Variants in FTO observed in about 807,000 individuals in gnomAD.
The protein encoded by FTO is alpha-ketoglutarate-dependent dioxygenase FTO.
In FTO, 47 loss-of-function variants were observed where a neutral mutation model predicts 63.9. The observed-to-expected ratio is 0.74, with a 90% CI of 0.58 to 0.94. The LOEUF (loss-of-function observed/expected upper bound fraction) is 0.94. Among genes scored for constraint, FTO ranks in the 40% least tolerant of loss-of-function variants. FTO has a pLI of 0.00. For synonymous variants in FTO, 207 were observed against 224.4 expected (o/e 0.92, Z 0.69); for missense variants, 562 against 618.1 (o/e 0.91, Z 0.96).
intron 3 of FTO, among the ~76,000 whole-genome samples, chr16:53,843,708 A>G (rs1308089488): frequency 6.6e-6 from 1 of 152,128 alleles, no homozygotes; most frequent in African/African-American, 2.4e-5. Flanking sequence ...TATTTATATT[A>G]TGTCCAATTT....
rs1971842278 is a variant in FTO, at chr16:53,704,361, G to A, written c.45+132G>A. 21 of 876,294 alleles carry A rather than the reference G, an allele frequency of 2.4e-5. No homozygotes were observed. The South Asian group carries it at 3.0e-4, about 12-fold the overall frequency. 54.3% of individuals were successfully genotyped at this position (876,294 alleles called of 1,614,324 possible). ...GGGATGACAGGGCCTTGTCAGCAAG[G>A]GACCTGGAGATATTAGAGGGGATGT... On this transcript the variant is annotated intron_variant, in intron 1 of 8. Transcript: ENST00000471389.
chr16:53,792,428 C>T (rs1368547287), intron 1 of FTO, among the ~76,000 whole-genome samples: 1 of 152,162 alleles, frequency 6.6e-6, no homozygotes, highest in Non-Finnish European at 1.5e-5. Context: ...CAGACAGCGA[C>T]AGTAGAGGGC....
intron 4 of FTO, among the ~76,000 whole-genome samples, chr16:53,861,910 A>G (rs2080184334): frequency 6.6e-6 from 1 of 152,118 alleles, no homozygotes; most frequent in Non-Finnish European, 1.5e-5. Context: ...ACTTGTGAAT[A>G]TCTGCTTGAT....
intron 8 of FTO, among the ~76,000 whole-genome samples, chr16:54,054,960 A>G (rs1469366584): frequency 6.6e-6 from 1 of 152,224 alleles, no homozygotes. Context: ...TTGACACTAT[A>G]CTGTGAACCC....
At chr16:53,990,655 TTTTTA>T (rs142836988) in intron 8 of FTO, among the ~76,000 whole-genome samples, 15,802 of 144,568 alleles carry the variant, frequency 0.11, 1,146 homozygotes, top group Middle Eastern at 0.16. Context: ...TTTCCTTTTC[TTTTTA>T]TTTTATTTTA....
intron 8 of FTO, among the ~76,000 whole-genome samples, chr16:53,950,600 A>G (rs2143514259): frequency 6.6e-6 from 1 of 152,356 alleles, no homozygotes; most frequent in South Asian, 2.1e-4. Context: ...CCTGTTCTTA[A>G]GCGCAAAGGG....
chr16:53,946,259 T>C (rs2082648694), intron 8 of FTO, among the ~76,000 whole-genome samples: 1 of 152,162 alleles, frequency 6.6e-6, no homozygotes, highest in African/African-American at 2.4e-5. Flanking sequence ...CGTTCCAATG[T>C]GTTTAGAATG....
chr16:54,013,664 G>A (rs536074168), intron 8 of FTO, among the ~76,000 whole-genome samples: 67 of 152,276 alleles, frequency 4.4e-4, no homozygotes, highest in Non-Finnish European at 7.4e-4. Context: ...TCCATCAGCA[G>A]CCATCACTGT....
At chr16:53,731,872 C>G (rs1196945310) in intron 1 of FTO, among the ~76,000 whole-genome samples, 1 of 149,048 alleles carries the variant, frequency 6.7e-6, no homozygotes, top group African/African-American at 2.5e-5. Flanking sequence ...CTCAGCCTCC[C>G]GAGTAGCTGG....
chr16:54,117,091 G>A lies in FTO; in HGVS notation c.*5176G>A, dbSNP rs1459918942. 6.6e-6 allele frequency: 1 copy of A among 152,152 alleles called. No homozygotes were observed. The highest frequency in any genetic ancestry group is 1.5e-5 in the Non-Finnish European group (1 of 68,036). 9.4% of individuals were successfully genotyped at this position (152,152 alleles called of 1,614,324 possible). A position where few individuals can be genotyped will look rare whatever the true frequency, so the allele number is the denominator to read the frequency against. Reference sequence around the variant, plus strand: ...ATTCATCAGATTTTCCAAATCTTTGGATTCCTGAGTGGCAGAAGAGGTTTT... The same window carrying A: ...ATTCATCAGATTTTCCAAATCTTTGAATTCCTGAGTGGCAGAAGAGGTTTT... On this transcript the variant is annotated 3_prime_UTR_variant, in exon 9 of 9. Coordinates refer to ENST00000471389, the MANE Select transcript of FTO (RefSeq NM_001080432.3).
intron 8 of FTO, among the ~76,000 whole-genome samples, chr16:54,037,423 T>G (rs1212678890): frequency 6.6e-6 from 1 of 152,194 alleles, no homozygotes; most frequent in Admixed American, 6.5e-5. Context: ...AGGAAGGGAT[T>G]TAAAGTTCAC....
intron 7 of FTO, among the ~76,000 whole-genome samples, chr16:53,925,284 G>T (rs35013387): frequency 1.3e-5 from 2 of 152,032 alleles, no homozygotes; most frequent in Non-Finnish European, 2.9e-5. Flanking sequence ...GTGCAGAGGG[G>T]AAATACAGCC....
chr16:53,848,952 T>G (rs2079710890), intron 4 of FTO, among the ~76,000 whole-genome samples: 1 of 152,244 alleles, frequency 6.6e-6, no homozygotes, highest in Admixed American at 6.5e-5. Flanking sequence ...TAAGCACAAC[T>G]AAATCTCACT....
chr16:53,929,769 G>A (rs1305027809), intron 7 of FTO, among the ~76,000 whole-genome samples: 2 of 152,172 alleles, frequency 1.3e-5, no homozygotes, highest in African/African-American at 4.8e-5. Context: ...CAAAACAAAG[G>A]GAGGACTTCT....
At chr16:53,937,583 T>C (rs2082419395) in intron 8 of FTO, 1 of 245,270 alleles carries the variant, frequency 4.1e-6, no homozygotes, top group African/African-American at 2.2e-5. Context: ...TACCAAATTA[T>C]ATGGAAGTTT....
At chr16:54,024,633 AT>A (rs2084675490) in intron 8 of FTO, among the ~76,000 whole-genome samples, 1 of 152,210 alleles carries the variant, frequency 6.6e-6, no homozygotes, top group Admixed American at 6.5e-5. Context: ...TACAAACTAC[AT>A]GGCATTGGGC....
rs2084914766 is a variant in FTO, at chr16:54,035,126, GC to G, written c.1365-76634del. Reference sequence around the variant, plus strand: ...TGTGACTGATATTCAGCAAGGAAGTGCCTTACTAGTTGAACAGGATCTGATT... The same window carrying G: ...TGTGACTGATATTCAGCAAGGAAGTGCTTACTAGTTGAACAGGATCTGATT... On this transcript the variant is annotated intron_variant, in intron 8 of 8. Coordinates refer to ENST00000471389, the MANE Select transcript of FTO (RefSeq NM_001080432.3). 5.3e-5 allele frequency among the ~76,000 whole-genome samples: 8 copies of G among 152,376 alleles called. No homozygotes were observed. The East Asian group carries it at 1.5e-3, about 29-fold the overall frequency.
At chr16:53,899,810 T>C (rs1471786965) in intron 7 of FTO, among the ~76,000 whole-genome samples, 5 of 152,194 alleles carry the variant, frequency 3.3e-5, no homozygotes, top group Non-Finnish European at 7.3e-5. Context: ...CTTTAAAGGA[T>C]GACTGCTTTC....
chr16:53,895,389 C>G (rs1226361998), intron 7 of FTO, among the ~76,000 whole-genome samples: 2 of 152,122 alleles, frequency 1.3e-5, no homozygotes, highest in African/African-American at 4.8e-5. Context: ...GCTTCGAAAG[C>G]ACAAAGGACT....
Sources: allele counts gnomAD v4.1 joint callset (sites outside exome capture counted in the v4.1 genomes callset), GRCh38; gene constraint gnomAD v4.1.1; transcripts MANE v1.5; gene names NCBI Gene and HGNC (gene_info 2026-07-23, HGNC 2026-07-21).